The following ADGRL3 variants were observed in gnomAD, a reference collection of about 807,000 sequenced individuals.
The protein encoded by ADGRL3 is calcium-independent alpha-latrotoxin receptor 3.
Under a neutral mutation model 153.5 loss-of-function variants are expected in ADGRL3, and 62 were observed. The ratio of observed to expected loss-of-function variants is 0.40; its 90% CI spans 0.33 to 0.50. ADGRL3 has a LOEUF of 0.50. Ranked by LOEUF, ADGRL3 falls within the 20% of genes least tolerant of loss-of-function variation. ADGRL3 has a pLI of 0.47. For missense variants in ADGRL3, 1,641 were observed against 1,859.4 expected (o/e 0.88, Z 2.16); for synonymous variants, 710 against 672.5 (o/e 1.06, Z -0.86).
At chr4:61,951,617 G>T (rs1325786169) in intron 17 of ADGRL3, among the ~76,000 whole-genome samples, 1 of 152,146 alleles carries the variant, frequency 6.6e-6, no homozygotes, top group East Asian at 1.9e-4. Flanking sequence ...AGTAATCCCA[G>T]TACTTCGGGA....
At chr4:61,468,060 C>T (rs939013806) in intron 2 of ADGRL3, among the ~76,000 whole-genome samples, 5 of 152,208 alleles carry the variant, frequency 3.3e-5, no homozygotes, top group Admixed American at 6.6e-5. Context: ...TCGCTTTAGG[C>T]CCACAGCTCT....
intron 1 of ADGRL3, among the ~76,000 whole-genome samples, chr4:61,367,571 C>T (rs1352960535): frequency 1.3e-5 from 2 of 150,458 alleles, no homozygotes; most frequent in Non-Finnish European, 3.0e-5. Flanking sequence ...ATGAACTCAT[C>T]ATTTTTTATG....
At chr4:61,687,794 ATT>A (rs1184054247) in intron 6 of ADGRL3, among the ~76,000 whole-genome samples, 1 of 152,048 alleles carries the variant, frequency 6.6e-6, no homozygotes, top group Non-Finnish European at 1.5e-5. Flanking sequence ...TTCCATTTAT[ATT>A]TTCTCACAAC....
intron 1 of ADGRL3, among the ~76,000 whole-genome samples, chr4:61,204,441 CAAT>C (rs1312047436): frequency 6.6e-6 from 1 of 152,196 alleles, no homozygotes; most frequent in Non-Finnish European, 1.5e-5. Flanking sequence ...GATCTAATCA[CAAT>C]GATTCCCAGT....
At chr4:61,836,641 T>G (rs2097940250) in intron 9 of ADGRL3, among the ~76,000 whole-genome samples, 1 of 152,110 alleles carries the variant, frequency 6.6e-6, no homozygotes, top group African/African-American at 2.4e-5. Context: ...ATATTTTTCC[T>G]TGAATAACAA....
chr4:61,625,125 T>G (rs917296005), intron 5 of ADGRL3, among the ~76,000 whole-genome samples: 1 of 152,232 alleles, frequency 6.6e-6, no homozygotes, highest in Admixed American at 6.5e-5. Flanking sequence ...TGTATGTAGT[T>G]ACATTAAGGT....
intron 2 of ADGRL3, among the ~76,000 whole-genome samples, chr4:61,463,592 A>G (rs2097848132): frequency 6.6e-6 from 1 of 152,144 alleles, no homozygotes; most frequent in Non-Finnish European, 1.5e-5. Flanking sequence ...GAGCCAAACC[A>G]TATCACCTTA....
intron 21 of ADGRL3, among the ~76,000 whole-genome samples, chr4:62,026,679 G>C (rs773221355): frequency 6.6e-6 from 1 of 152,004 alleles, no homozygotes; most frequent in Non-Finnish European, 1.5e-5. Flanking sequence ...ATGTAGGTCA[G>C]AGGAAACAAA....
chr4:61,463,912 T>C (rs774601926), intron 2 of ADGRL3, among the ~76,000 whole-genome samples: 6 of 152,156 alleles, frequency 3.9e-5, no homozygotes, highest in Non-Finnish European at 7.3e-5. Context: ...TTTGTGCATT[T>C]TGTGTATTTT....
rs2149038149 is a variant in ADGRL3 at position 61,565,076 on chromosome 4, A to G, written c.260-22151A>G. 1.3e-5 allele frequency among the ~76,000 whole-genome samples: 2 copies of G among 152,328 alleles called. 1 individual carries two copies. Among genetic ancestry groups the G allele is most frequent in the South Asian group, 4.1e-4 (2 of 4,832 alleles). On this transcript the variant is annotated intron_variant, in intron 4 of 26. Transcript: ENST00000683033. ...AGAATGACCAAAATGTGACAGAGACAGGTAGTGAGCACATGCCATTGGAAA... is the reference window on the plus strand; with the variant it reads ...AGAATGACCAAAATGTGACAGAGACGGGTAGTGAGCACATGCCATTGGAAA...
chr4:62,050,778 G>A (rs995876296), intron 25 of ADGRL3, among the ~76,000 whole-genome samples: 1 of 151,798 alleles, frequency 6.6e-6, no homozygotes, highest in Non-Finnish European at 1.5e-5. Context: ...TGTTCTGAAG[G>A]ATTATAAAAT....
intron 8 of ADGRL3, among the ~76,000 whole-genome samples, chr4:61,757,373 T>A (rs893889666): frequency 2.6e-5 from 4 of 152,106 alleles, no homozygotes; most frequent in Admixed American, 6.6e-5. Flanking sequence ...TGAGGAATTT[T>A]TCCATTTCTT....
chr4:61,260,752 G>A lies in ADGRL3; in HGVS notation c.-240+58987G>A, dbSNP rs140843865. ...ATTTTTTTTATTTTTTTGAGACAGGGACTCACTCTGTCACCCAGGCTGGAG... is the reference window on the plus strand; with the variant it reads ...ATTTTTTTTATTTTTTTGAGACAGGAACTCACTCTGTCACCCAGGCTGGAG... On this transcript the variant is annotated intron_variant, in intron 1 of 26. Transcript: ENST00000683033. 4.8e-3 allele frequency among the ~76,000 whole-genome samples: 724 copies of A among 151,948 alleles called. 7 individuals are homozygous for A. The highest frequency in any genetic ancestry group is 0.017 in the African/African-American group (699 of 41,444).
At chr4:61,292,089 T>C (rs1264780778) in intron 1 of ADGRL3, among the ~76,000 whole-genome samples, 1 of 151,608 alleles carries the variant, frequency 6.6e-6, no homozygotes, top group Non-Finnish European at 1.5e-5. Context: ...TCATTGATGG[T>C]ATAAGGTTTG....
intron 1 of ADGRL3, among the ~76,000 whole-genome samples, chr4:61,229,613 T>C (rs1463952914): frequency 6.6e-6 from 1 of 152,124 alleles, no homozygotes; most frequent in Non-Finnish European, 1.5e-5. Context: ...TAATATTAAA[T>C]GACCCTGTGA....
In ADGRL3 at chr4:61,383,198, T is replaced by C. The variant is rs2096691940; in HGVS notation, c.-174+9T>C. 1 of 151,756 alleles carries C rather than the reference T, an allele frequency of 6.6e-6. No homozygotes were observed. Among genetic ancestry groups the C allele is most frequent in the African/African-American group, 2.4e-5 (1 of 41,410 alleles). The allele number at this position is 151,756 out of a possible 1,614,324, so 9.4% of individuals were successfully genotyped here. On this transcript the variant is annotated intron_variant, in intron 2 of 26. Coordinates refer to ENST00000683033, the MANE Select transcript of ADGRL3 (RefSeq NM_001387552.1). ...TTGAAGAGCAAATTAAGGTAATTAG[T>C]AGATTATTATTGCCAACCATATAAT...
chr4:61,282,437 CTA>C (rs1452473778), intron 1 of ADGRL3, among the ~76,000 whole-genome samples: 2 of 151,932 alleles, frequency 1.3e-5, no homozygotes, highest in African/African-American at 4.8e-5. Context: ...TGATTTGTAA[CTA>C]TTTTAATATT....
At chr4:61,637,511 C>G (rs144979576) in intron 5 of ADGRL3, among the ~76,000 whole-genome samples, 4 of 152,112 alleles carry the variant, frequency 2.6e-5, no homozygotes, top group Non-Finnish European at 5.9e-5. Context: ...CACCTGTAAT[C>G]CCAGCACTTT....
intron 1 of ADGRL3, among the ~76,000 whole-genome samples, chr4:61,271,465 C>T (rs2093176087): frequency 3.3e-5 from 5 of 151,950 alleles, no homozygotes; most frequent in Admixed American, 3.3e-4. Flanking sequence ...TGCTTTTATA[C>T]ACACATCAAT....
Sources: allele counts gnomAD v4.1 joint callset (sites outside exome capture counted in the v4.1 genomes callset), GRCh38; gene constraint gnomAD v4.1.1; transcripts MANE v1.5; gene names NCBI Gene and HGNC (gene_info 2026-07-23, HGNC 2026-07-21).